HSDL2: variants seen among roughly 807,000 people sequenced by gnomAD.
The protein encoded by HSDL2 is hydroxysteroid dehydrogenase like 2, also known as hydroxysteroid dehydrogenase-like protein 2.
Under a neutral mutation model 46.3 loss-of-function variants are expected in HSDL2, and 27 were observed. The ratio of observed to expected loss-of-function variants is 0.58; its 90% CI spans 0.43 to 0.80. HSDL2 has a LOEUF of 0.80. Among genes scored for constraint, HSDL2 ranks in the 30% least tolerant of loss-of-function variants. The pLI is 0.00. For synonymous variants in HSDL2, 153 were observed against 163.6 expected, an observed-to-expected ratio of 0.94 and a Z score of 0.50; for missense variants, 451 against 502.7, an observed-to-expected ratio of 0.90 and a Z score of 0.98.
At chr9:112,388,440 G>A (rs1477564609) in intron 1 of HSDL2, among the ~76,000 whole-genome samples, 15 of 133,944 alleles carry the variant, frequency 1.1e-4, no homozygotes, top group African/African-American at 4.3e-4. Context: ...CAGCCTGGGA[G>A]ACAGAGCTAG....
intron 1 of HSDL2, among the ~76,000 whole-genome samples, chr9:112,396,718 C>T (rs62569973): frequency 0.14 from 21,311 of 151,974 alleles, 1,851 homozygotes; most frequent in East Asian, 0.21. Context: ...GTAAAGGCCC[C>T]GTGAGGACAA....
chr9:112,418,997 G>T (rs776582156), intron 6 of HSDL2, 39 bp downstream of exon 6: 1 of 1,068,590 alleles, frequency 9.4e-7, no homozygotes, highest in East Asian at 2.6e-5. Flanking sequence ...AGATTTTCAT[G>T]TATTGTCCTT....
chr9:112,437,230 G>T (rs1279312149), intron 6 of HSDL2, among the ~76,000 whole-genome samples: 1 of 151,908 alleles, frequency 6.6e-6, no homozygotes, highest in African/African-American at 2.4e-5. Context: ...ACAGTGCCGG[G>T]ATTACAGGCG....
chr9:112,462,945 A>C (rs1487213021), intron 10 of HSDL2, among the ~76,000 whole-genome samples: 1 of 152,176 alleles, frequency 6.6e-6, no homozygotes, highest in Non-Finnish European at 1.5e-5. Flanking sequence ...ATAAAACAGT[A>C]TATAGTCTTT....
At chr9:112,416,574 C>G (rs140523780) in intron 4 of HSDL2, among the ~76,000 whole-genome samples, 1,627 of 146,672 alleles carry the variant, frequency 0.011, 31 homozygotes, top group African/African-American at 0.037. Context: ...GGCAACAAAG[C>G]TAGACCCTGT....
chr9:112,384,682 G>GT (rs1831180352), intron 1 of HSDL2, among the ~76,000 whole-genome samples: 2 of 151,468 alleles, frequency 1.3e-5, no homozygotes, highest in Middle Eastern at 3.4e-3. Flanking sequence ...ACAGGAGGAT[G>GT]TTTATTTAAG....
At chr9:112,433,574 G>A (rs1255074472) in intron 6 of HSDL2, among the ~76,000 whole-genome samples, 1 of 152,182 alleles carries the variant, frequency 6.6e-6, no homozygotes, top group African/African-American at 2.4e-5. Context: ...CTGAATATGG[G>A]ATGGCTTGTA....
At chr9:112,453,728 G>T (rs1485729260) in intron 8 of HSDL2, among the ~76,000 whole-genome samples, 2 of 152,026 alleles carry the variant, frequency 1.3e-5, no homozygotes, top group African/African-American at 4.8e-5. Context: ...TAGAAGGTTT[G>T]TTTATGATAA....
chr9:112,433,592 A>G (rs1167142725), intron 6 of HSDL2, among the ~76,000 whole-genome samples: 1 of 152,178 alleles, frequency 6.6e-6, no homozygotes, highest in Non-Finnish European at 1.5e-5. Context: ...GTAAGACTGT[A>G]GAGAGAAGAG....
chr9:112,431,746 A>T (rs1273749230), intron 6 of HSDL2, among the ~76,000 whole-genome samples: 1 of 151,922 alleles, frequency 6.6e-6, no homozygotes, highest in Non-Finnish European at 1.5e-5. Flanking sequence ...TTCACCTTCC[A>T]CCGTGAGTAC....
chr9:112,469,450 G>A (rs1833499168), intron 10 of HSDL2, among the ~76,000 whole-genome samples: 1 of 151,774 alleles, frequency 6.6e-6, no homozygotes, highest in Admixed American at 6.6e-5. Context: ...TCAGCACTCT[G>A]GGAGGCAGGT....
intron 6 of HSDL2, among the ~76,000 whole-genome samples, chr9:112,432,322 G>A (rs1477921302): frequency 2.6e-5 from 4 of 152,136 alleles, no homozygotes; most frequent in South Asian, 2.1e-4. Flanking sequence ...CACTTACACC[G>A]TTTGTAATTA....
chr9:112,395,597 T>G (rs1366498774), intron 1 of HSDL2, among the ~76,000 whole-genome samples: 1 of 152,224 alleles, frequency 6.6e-6, no homozygotes, highest in African/African-American at 2.4e-5. Context: ...AAAAGCAAAT[T>G]TTGACAATCT....
intron 1 of HSDL2, among the ~76,000 whole-genome samples, chr9:112,398,876 C>T (rs1450721356): frequency 1.3e-5 from 2 of 152,160 alleles, no homozygotes; most frequent in African/African-American, 4.8e-5. Flanking sequence ...GAACTCCTCC[C>T]TGTTTTAACA....
intron 10 of HSDL2, among the ~76,000 whole-genome samples, chr9:112,460,750 A>G (rs188022871): frequency 6.6e-6 from 1 of 152,348 alleles, no homozygotes; most frequent in East Asian, 1.9e-4. Context: ...TCTCAAAAAA[A>G]GAGAAAGTAT....
chr9:112,442,685 G>T (rs1347636277), intron 8 of HSDL2, among the ~76,000 whole-genome samples: 1 of 151,998 alleles, frequency 6.6e-6, no homozygotes, highest in East Asian at 1.9e-4. Context: ...AATAAGAATG[G>T]CTGTGCTTCT....
At chr9:112,441,023 A>AAAT (rs1487094122) in intron 7 of HSDL2, among the ~76,000 whole-genome samples, 12 of 151,052 alleles carry the variant, frequency 7.9e-5, no homozygotes, top group South Asian at 2.1e-4. Context: ...ATAAATAAAT[A>AAAT]AATAAATAAT....
intron 6 of HSDL2, among the ~76,000 whole-genome samples, chr9:112,428,555 G>A (rs1832304776): frequency 6.6e-6 from 1 of 152,192 alleles, no homozygotes; most frequent in Non-Finnish European, 1.5e-5. Flanking sequence ...AGCAGCCAGA[G>A]TTGTTTTGTT....
At chr9:112,431,304 G>T (rs1650824093) in intron 6 of HSDL2, among the ~76,000 whole-genome samples, 1 of 152,044 alleles carries the variant, frequency 6.6e-6, no homozygotes, top group African/African-American at 2.4e-5. Context: ...TCAGCATATA[G>T]AACATATAAA....
Sources: allele counts gnomAD v4.1 joint callset (sites outside exome capture counted in the v4.1 genomes callset), GRCh38; gene constraint gnomAD v4.1.1; transcripts MANE v1.5; gene names NCBI Gene and HGNC (gene_info 2026-07-23, HGNC 2026-07-21).